LRPPRC: variants seen among roughly 807,000 people sequenced by gnomAD.
LRPPRC encodes leucine-rich PPR motif-containing protein, mitochondrial.
A neutral mutation model predicts 180.3 loss-of-function variants in LRPPRC; 120 were observed. That is an observed-to-expected ratio of 0.67 (90% confidence interval 0.57 to 0.77). The LOEUF is 0.77. Ranked by LOEUF, LRPPRC falls within the 30% of genes least tolerant of loss-of-function variation. The probability of loss-of-function intolerance (pLI) is 0.00; values close to 1 mark genes in which losing one functional copy is unlikely to be tolerated. For missense variants in LRPPRC, 2,012 were observed against 1,657.2 expected, an observed-to-expected ratio of 1.21 and a Z score of -3.72; for synonymous variants, 723 against 600.0, an observed-to-expected ratio of 1.21 and a Z score of -3.00.
rs771473230 is a variant in LRPPRC, at chr2:43,982,289, G to C, written c.295C>G (p.Arg99Gly). 6.3e-7 allele frequency: 1 copy of C among 1,583,490 alleles called. No individual in the cohort carries two copies. The highest frequency in any genetic ancestry group is 8.6e-7 in the Non-Finnish European group (1 of 1,166,638). ...TTTTGTAGAAGCTTCTTTGGAATGC[G>C]GCCAGTTCTTCGAACAGAAAGATCT... Reference protein sequence around the residue: ...RLDLSVRRTGRIPKKLLQKVF... With the variant: ...RLDLSVRRTGGIPKKLLQKVF... The change falls in exon 2 of 38, where the codon CGC becomes GGC. Residue 99 changes from arginine (R) to glycine (G), a missense_variant. Transcript: ENST00000260665.
chr2:43,938,609 G>T (rs1391257958), intron 23 of LRPPRC, among the ~76,000 whole-genome samples: 1 of 152,110 alleles, frequency 6.6e-6, no homozygotes, highest in Non-Finnish European at 1.5e-5. Context: ...AAATAAGCTT[G>T]AAGCTCCGAT....
intron 30 of LRPPRC, 107 bp downstream of exon 30, chr2:43,912,325 C>T (rs528582373): frequency 2.0e-6 from 2 of 980,462 alleles, no homozygotes; most frequent in Admixed American, 1.9e-5. Context: ...GTAGCTGAGG[C>T]CAATCAAGCA....
In LRPPRC at chr2:43,973,804, T is replaced by C. The variant is rs1316970983; in HGVS notation, c.1252A>G (p.Asn418Asp). The change falls in exon 10 of 38, where the codon AAT (asparagine) becomes GAT (aspartate). Residue 418 changes from asparagine (N) to aspartate (D), a missense_variant. Coordinates refer to ENST00000260665, the MANE Select transcript of LRPPRC (RefSeq NM_133259.4). ...QFTLHCALLANKTDLAKALMK... is the reference protein window; with the variant it reads ...QFTLHCALLADKTDLAKALMK... ...TTTAAGAATGTAGTACCAGTTTTAT[T>C]GGCGAGTAAAGCACAATGGAGGGTG... The C allele has an allele frequency of 1.2e-6, 2 of 1,613,224 alleles. No homozygotes were observed. The highest frequency in any genetic ancestry group is 3.3e-5 in the Admixed American group (2 of 60,008).
chr2:43,901,641 T>C, intron 31 of LRPPRC, 117 bp from the exon 32 acceptor site: 1 of 700,614 alleles, frequency 1.4e-6, no homozygotes, highest in Non-Finnish European at 2.6e-6. Flanking sequence ...AAGCTATGAA[T>C]AATTAATTTT....
At position 43,934,194 on chromosome 2, in the gene LRPPRC, A is replaced by G; in HGVS notation, c.2732T>C (p.Ile911Thr). The G allele has an allele frequency of 1.3e-6, 2 of 1,571,150 alleles. No individual in the cohort carries two copies. Among genetic ancestry groups the G allele is most frequent in the Non-Finnish European group, 1.8e-6 (2 of 1,141,442 alleles). ...TGNYKEAKKI[I>T]ETPGIRARSA... is the part of the protein sequence containing the mutation. ...ACACTGTAGTTAAAATCACACCTCAATGATCTTCTTGGCCTCTTTGTAATT... is the reference window on the plus strand; with the variant it reads ...ACACTGTAGTTAAAATCACACCTCAGTGATCTTCTTGGCCTCTTTGTAATT... Residue 911 changes from isoleucine to threonine, a missense_variant, in exon 25 of 38, where the codon ATT becomes ACT. By Grantham distance (89) the Ile-to-Thr change is moderately conservative (BLOSUM62 -1). Coordinates refer to ENST00000260665, the MANE Select transcript of LRPPRC (RefSeq NM_133259.4).
chr2:43,985,284 A>T (rs550840718), intron 1 of LRPPRC, among the ~76,000 whole-genome samples: 1 of 152,330 alleles, frequency 6.6e-6, no homozygotes, highest in South Asian at 2.1e-4. Context: ...CATTTCCCCT[A>T]GTAACATTTT....
At chr2:43,910,418 A>T (rs1298165682) in intron 30 of LRPPRC, among the ~76,000 whole-genome samples, 1 of 152,086 alleles carries the variant, frequency 6.6e-6, no homozygotes, top group Non-Finnish European at 1.5e-5. Flanking sequence ...TATTTTTAGT[A>T]GAGATGGGGT....
At chr2:43,927,088 G>A (rs978899337) in intron 25 of LRPPRC, among the ~76,000 whole-genome samples, 1 of 152,128 alleles carries the variant, frequency 6.6e-6, no homozygotes, top group African/African-American at 2.4e-5. Context: ...TCACTCTATA[G>A]TATTTTCATC....
intron 30 of LRPPRC, among the ~76,000 whole-genome samples, chr2:43,906,052 A>T (rs1671057731): frequency 6.6e-6 from 1 of 152,194 alleles, no homozygotes; most frequent in African/African-American, 2.4e-5. Flanking sequence ...CAGATTCTTG[A>T]ATGCTGACAT....
intron 34 of LRPPRC, among the ~76,000 whole-genome samples, chr2:43,898,304 T>G (rs1483658002): frequency 6.6e-6 from 1 of 151,530 alleles, no homozygotes; most frequent in Non-Finnish European, 1.5e-5. Context: ...AAACTGGAGG[T>G]CAAGCACATG....
At position 43,973,676 on chromosome 2, in the gene LRPPRC, C is replaced by G; in HGVS notation, c.1300G>C (p.Gly434Arg). The G allele has an allele frequency of 6.2e-7, 1 of 1,614,012 alleles. No homozygotes were observed. The highest frequency in any genetic ancestry group is 8.5e-7 in the Non-Finnish European group (1 of 1,179,884). ...AAATAGTGAGGTCTGATAGGAAAAC[C>G]TTCCTCCTTCACAGCCTTCATTAAG... ...KALMKAVKEE[G>R]FPIRPHYFWP... Residue 434 changes from glycine to arginine, a missense_variant, in exon 11 of 38, where the codon GGT (glycine) becomes CGT (arginine). By Grantham distance (125) the Gly-to-Arg change is moderately radical. Transcript: ENST00000260665.
chr2:43,990,477 C>A (rs1020195534), intron 1 of LRPPRC, among the ~76,000 whole-genome samples: 3 of 152,214 alleles, frequency 2.0e-5, no homozygotes, highest in Admixed American at 6.5e-5. Flanking sequence ...AATCCTCCAA[C>A]GGCTTCCAAT....
Position 43,934,776 on chromosome 2 carries a change from G to C in LRPPRC, c.2607C>G (p.Gly869=), listed in dbSNP as rs376938606. ...CACCTTTCTGAATTAGATCAGTCTC[G>C]CCTTTCTCTACCAGTTTACACAAGA... ...HDVLCKLVEK[G]ETDLIQKAMD... is the part of the protein sequence containing the mutation. Residue 869 remains glycine (G), a synonymous_variant, in exon 24 of 38, where the codon GGC becomes GGG. Coordinates refer to ENST00000260665, the MANE Select transcript of LRPPRC (RefSeq NM_133259.4). 16 of 1,612,394 alleles carry C rather than the reference G, an allele frequency of 9.9e-6. No homozygotes were observed. Among genetic ancestry groups the C allele is most frequent in the East Asian group, 2.2e-5 (1 of 44,826 alleles).
intron 35 of LRPPRC, among the ~76,000 whole-genome samples, chr2:43,895,403 A>T (rs1028131911): frequency 2.0e-5 from 3 of 152,168 alleles, no homozygotes; most frequent in African/African-American, 7.2e-5. Context: ...CTTCTATTTT[A>T]AACTGTCCTG....
chr2:43,974,348 A>G (rs915908426), intron 8 of LRPPRC, 53 bp from the exon 9 acceptor site: 4 of 1,306,246 alleles, frequency 3.1e-6, no homozygotes, highest in Non-Finnish European at 4.4e-6. Context: ...ATATTTTTAC[A>G]CTGCAACCAA....
intron 11 of LRPPRC, 57 bp from the exon 12 acceptor site, chr2:43,963,763 G>T (rs1239746990): frequency 2.1e-6 from 2 of 930,576 alleles, no homozygotes; most frequent in Admixed American, 1.7e-5. Context: ...AGTAAGAAAA[G>T]ATCGGTAAGT....
intron 12 of LRPPRC, among the ~76,000 whole-genome samples, chr2:43,961,242 AT>A (rs1434402977): frequency 6.6e-6 from 1 of 152,240 alleles, no homozygotes; most frequent in African/African-American, 2.4e-5. Flanking sequence ...AAAAAAGTTC[AT>A]CATGAAACAA....
intron 23 of LRPPRC, among the ~76,000 whole-genome samples, chr2:43,935,946 G>A (rs1038645462): frequency 2.0e-5 from 3 of 152,174 alleles, no homozygotes; most frequent in African/African-American, 7.2e-5. Context: ...AGCCGGGCGT[G>A]ATGGCGCATG....
intron 1 of LRPPRC, among the ~76,000 whole-genome samples, chr2:43,991,961 C>G (rs1381454020): frequency 6.6e-6 from 1 of 152,204 alleles, no homozygotes; most frequent in Non-Finnish European, 1.5e-5. Context: ...CATTGATTCA[C>G]TCAACAAACA....
Sources: gnomAD v4.1 joint callset for allele counts (sites outside exome capture counted in the v4.1 genomes callset) on GRCh38, gnomAD v4.1.1 for gene constraint, MANE v1.5 for transcripts, NCBI Gene and HGNC (gene_info 2026-07-23, HGNC 2026-07-21) for gene names.